PMS1: variants seen among roughly 807,000 people sequenced by gnomAD.
The protein encoded by PMS1 is PMS1 homolog 1, mismatch repair system component.
Under a neutral mutation model 93.1 loss-of-function variants are expected in PMS1, and 79 were observed. The observed-to-expected ratio is 0.85, with a 90% CI of 0.71 to 1.02. The LOEUF (loss-of-function observed/expected upper bound fraction) is 1.02, where lower values mean the gene tolerates loss of function less well. Ranked by LOEUF, PMS1 falls within the 50% of genes least tolerant of loss-of-function variation. PMS1 has a pLI of 0.00. For synonymous variants in PMS1, 335 were observed against 363.4 expected (o/e 0.92, Z 0.89); for missense variants, 1,064 against 1,085.3 (o/e 0.98, Z 0.28).
At chr2:189,789,976 C>T (rs529725585) in intron 1 of PMS1, among the ~76,000 whole-genome samples, 2 of 152,208 alleles carry the variant, frequency 1.3e-5, no homozygotes, top group South Asian at 4.2e-4. Flanking sequence ...TTGGATTTTT[C>T]GTTTGTTTGA....
chr2:189,853,209 A>G lies in PMS1; in HGVS notation c.822+432A>G, dbSNP rs546475821. On this transcript the variant is annotated intron_variant, in intron 7 of 12. Coordinates refer to ENST00000441310, the MANE Select transcript of PMS1 (RefSeq NM_000534.5). ...GCTGGTATTACAGGCACCCGCCACT[A>G]TGCCCAGCTAATTTTTTTTGTAGTT... 4.6e-5 allele frequency among the ~76,000 whole-genome samples: 7 copies of G among 152,110 alleles called. 1 individual carries two copies. Among genetic ancestry groups the G allele is most frequent in the African/African-American group, 1.7e-4 (7 of 41,518 alleles).
intron 6 of PMS1, among the ~76,000 whole-genome samples, chr2:189,845,144 C>A (rs896936247): frequency 6.6e-6 from 1 of 152,196 alleles, no homozygotes; most frequent in Non-Finnish European, 1.5e-5. Context: ...AGGCGTGAGC[C>A]ACCACGCCCA....
At position 189,805,698 on chromosome 2, in the gene PMS1, A is replaced by G. The variant is rs926339969; in HGVS notation, c.362A>G (p.Tyr121Cys). ...RTAADNFSTQ[Y>C]VLDGSGHILS... ...GCTGCTGATAATTTTAGCACCCAGT[A>G]TGTTTTAGATGGCAGTGGCCACATA... The change falls in exon 4 of 13, where the codon TAT (tyrosine) becomes TGT (cysteine). Residue 121 changes from tyrosine to cysteine, a missense_variant. Transcript: ENST00000441310. The G allele has an allele frequency of 6.2e-7, 1 of 1,613,896 alleles. No individual in the cohort carries two copies. The highest frequency in any genetic ancestry group is 2.2e-5 in the East Asian group (1 of 44,826).
intron 5 of PMS1, among the ~76,000 whole-genome samples, chr2:189,842,355 CA>C: frequency 6.6e-6 from 1 of 152,206 alleles, no homozygotes; most frequent in East Asian, 1.9e-4. Flanking sequence ...TGTTTTCTCC[CA>C]AGCCCTTTGG....
intron 1 of PMS1, among the ~76,000 whole-genome samples, chr2:189,788,766 A>G (rs2048592497): frequency 6.6e-6 from 1 of 152,224 alleles, no homozygotes; most frequent in South Asian, 2.1e-4. Context: ...TGAGTTGGAA[A>G]TTGAGTGTGT....
At chr2:189,845,852 T>A (rs1277916990) in intron 6 of PMS1, among the ~76,000 whole-genome samples, 2 of 152,148 alleles carry the variant, frequency 1.3e-5, no homozygotes, top group Admixed American at 1.3e-4. Flanking sequence ...TGCCTCAGCC[T>A]CCTGAGTAGC....
At chr2:189,865,013 C>T (rs1388100348) in intron 10 of PMS1, among the ~76,000 whole-genome samples, 6 of 151,790 alleles carry the variant, frequency 4.0e-5, no homozygotes, top group Middle Eastern at 3.4e-3. Context: ...AGTATATACA[C>T]GTACATTTTC....
chr2:189,852,825 C>A, intron 7 of PMS1, 48 bp downstream of exon 7: 1 of 1,244,726 alleles, frequency 8.0e-7, no homozygotes, highest in Non-Finnish European at 1.2e-6. Context: ...AAATTTGTCA[C>A]ATTGTAACAA....
intron 5 of PMS1, among the ~76,000 whole-genome samples, chr2:189,831,785 A>T (rs945775070): frequency 2.6e-5 from 4 of 152,128 alleles, no homozygotes; most frequent in South Asian, 2.1e-4. Context: ...TTTAAAATTT[A>T]AAAATTTTTT....
intron 11 of PMS1, among the ~76,000 whole-genome samples, chr2:189,873,098 G>T (rs5743183): frequency 1.6e-3 from 247 of 152,260 alleles, no homozygotes; most frequent in African/African-American, 5.9e-3. Context: ...TAAAATCACA[G>T]AAATAATTCA....
Position 189,871,399 on chromosome 2 carries a change from C to T in PMS1, c.2474-2097C>T, listed in dbSNP as rs1305166238. ...GGGCTGCATTCAAAGTTGTTCTGGG[C>T]CACATGTGGCCCACAGACCACAGGT... On this transcript the variant is annotated intron_variant, in intron 11 of 12. Coordinates refer to ENST00000441310, the MANE Select transcript of PMS1 (RefSeq NM_000534.5). Among the ~76,000 whole-genome samples the T allele has an allele frequency of 2.0e-5, 3 of 152,134 alleles. 1 individual carries two copies. Among genetic ancestry groups the T allele is most frequent in the African/African-American group, 7.2e-5 (3 of 41,440 alleles).
At chr2:189,799,229 T>G (rs1442661542) in intron 3 of PMS1, among the ~76,000 whole-genome samples, 2 of 152,208 alleles carry the variant, frequency 1.3e-5, no homozygotes, top group African/African-American at 4.8e-5. Context: ...TTTAAAAAAA[T>G]GTTTGCAATG....
In PMS1 at chr2:189,877,443, A is replaced by G; in HGVS notation, c.*7A>G. ...TCTTCCAGAAACTACATGATTAAAT[A>G]TGTTTAAGAAGATTAGTTACCATTG... is the stretch of plus-strand genomic sequence containing the variant. On this transcript the variant is annotated 3_prime_UTR_variant, in exon 13 of 13. Coordinates refer to ENST00000441310, the MANE Select transcript of PMS1 (RefSeq NM_000534.5). 1 of 1,594,270 alleles carries G rather than the reference A, an allele frequency of 6.3e-7. No individual in the cohort carries two copies. Among genetic ancestry groups the G allele is most frequent in the Non-Finnish European group, 8.6e-7 (1 of 1,162,194 alleles).
In PMS1 at chr2:189,877,538, AT is replaced by A. The variant is rs2057672704; in HGVS notation, c.*108del. 3 of 772,296 alleles carry A rather than the reference AT, an allele frequency of 3.9e-6. No individual in the cohort carries two copies. Among genetic ancestry groups the A allele is most frequent in the East Asian group, 2.6e-5 (1 of 37,914 alleles). 47.8% of individuals were successfully genotyped at this position (772,296 alleles called of 1,614,324 possible). Reference sequence around the variant, plus strand: ...TCTTTGTATTATGTGTCACATGGTTATTTTTTAAATGAGGATTCACTGACTT... The same window carrying A: ...TCTTTGTATTATGTGTCACATGGTTATTTTTAAATGAGGATTCACTGACTT... On this transcript the variant is annotated 3_prime_UTR_variant, in exon 13 of 13. Transcript: ENST00000441310.
At chr2:189,844,202 G>A (rs995760235) in intron 6 of PMS1, 122 bp downstream of exon 6, 49 of 1,507,120 alleles carry the variant, frequency 3.3e-5, no homozygotes, top group Admixed American at 3.1e-4. Context: ...AAATATGTGT[G>A]TAAGGTAAAA....
Position 189,791,819 on chromosome 2 carries a change from T to C in PMS1, c.10T>C (p.Leu4=). The C allele has an allele frequency of 6.2e-7, 1 of 1,613,932 alleles. No homozygotes were observed. Among genetic ancestry groups the C allele is most frequent in the Non-Finnish European group, 8.5e-7 (1 of 1,179,876 alleles). ...TCTGTTAAAAGCGAAAATGAAACAA[T>C]TGCCTGCGGCAACAGTTCGACTCCT... MKQ[L]PAATVRLLSS... is the part of the protein sequence containing the mutation. The change falls in exon 2 of 13, where the codon TTG becomes CTG. Residue 4 remains leucine, a synonymous_variant. Transcript: ENST00000441310.
chr2:189,812,953 A>G (rs578147626), intron 4 of PMS1, among the ~76,000 whole-genome samples: 1 of 152,294 alleles, frequency 6.6e-6, no homozygotes, highest in African/African-American at 2.4e-5. Flanking sequence ...AGCCACTGGA[A>G]TTTATTTTAG....
chr2:189,866,913 T>C (rs5743164), intron 10 of PMS1, among the ~76,000 whole-genome samples: 15,948 of 152,146 alleles, frequency 0.1, 1,867 homozygotes, highest in African/African-American at 0.29. Context: ...CTACTGTCTC[T>C]CAGATCGATT....
At chr2:189,841,318 G>A (rs1430105603) in intron 5 of PMS1, among the ~76,000 whole-genome samples, 2 of 152,160 alleles carry the variant, frequency 1.3e-5, no homozygotes, top group African/African-American at 2.4e-5. Flanking sequence ...GCTCTTATCT[G>A]ATTGGTATCA....
Sources: allele counts gnomAD v4.1 joint callset (sites outside exome capture counted in the v4.1 genomes callset), GRCh38; gene constraint gnomAD v4.1.1; transcripts MANE v1.5; gene names NCBI Gene and HGNC (gene_info 2026-07-23, HGNC 2026-07-21).